CFAP299: variants seen among roughly 807,000 people sequenced by gnomAD.
CFAP299 encodes the protein cilia and flagella associated protein 299.
In CFAP299, 21 loss-of-function variants were observed where a neutral mutation model predicts 27.0. The ratio of observed to expected loss-of-function variants is 0.78; its 90% CI spans 0.55 to 1.12. The LOEUF (loss-of-function observed/expected upper bound fraction) is 1.12. Among genes scored for constraint, CFAP299 ranks in the 50% most tolerant of loss-of-function variants. CFAP299 has a pLI of 0.00. For missense variants in CFAP299, 310 were observed against 276.6 expected, an observed-to-expected ratio of 1.12 and a Z score of -0.86; for synonymous variants, 104 against 98.1, an observed-to-expected ratio of 1.06 and a Z score of -0.36.
At chr4:80,774,560 TA>T (rs1170898468) in intron 3 of CFAP299, among the ~76,000 whole-genome samples, 5 of 151,988 alleles carry the variant, frequency 3.3e-5, no homozygotes, top group African/African-American at 1.2e-4. Flanking sequence ...AAGTGGTCAA[TA>T]AATGTGTAAA....
chr4:80,453,875 AATAATAATAAT>A (rs1729019791), intron 2 of CFAP299, among the ~76,000 whole-genome samples: 1 of 147,960 alleles, frequency 6.8e-6, no homozygotes, highest in South Asian at 2.1e-4. Context: ...TAATAATAAT[AATAATAATAAT>A]AATCTTGCAA....
At chr4:80,504,232 C>T (rs1300947512) in intron 2 of CFAP299, among the ~76,000 whole-genome samples, 1 of 151,256 alleles carries the variant, frequency 6.6e-6, no homozygotes, top group Non-Finnish European at 1.5e-5. Context: ...GCCTGGTAAG[C>T]ATGAGGGAAA....
At chr4:80,816,003 A>G (rs1005637212) in intron 3 of CFAP299, among the ~76,000 whole-genome samples, 1 of 151,952 alleles carries the variant, frequency 6.6e-6, no homozygotes, top group Non-Finnish European at 1.5e-5. Context: ...TTATGATTCC[A>G]TTGATAAAAA....
chr4:80,800,907 C>T (rs1728551173), intron 3 of CFAP299, among the ~76,000 whole-genome samples: 1 of 150,082 alleles, frequency 6.7e-6, no homozygotes, highest in South Asian at 2.1e-4. Context: ...AACTGAAGAA[C>T]TTGGAGTCTG....
intron 4 of CFAP299, among the ~76,000 whole-genome samples, chr4:80,916,283 A>ATATATG (rs1560475525): frequency 4.3e-5 from 5 of 116,258 alleles, no homozygotes; most frequent in Non-Finnish European, 8.2e-5. Context: ...ATATATATAT[A>ATATATG]TATATATATA....
At chr4:80,471,576 G>T (rs1220473734) in intron 2 of CFAP299, among the ~76,000 whole-genome samples, 1 of 123,280 alleles carries the variant, frequency 8.1e-6, no homozygotes, top group Non-Finnish European at 1.7e-5. Flanking sequence ...CAGGGCGGGG[G>T]TGGGGGTGGG....
Position 80,638,752 on chromosome 4 carries a change from C to T in CFAP299, c.333+55569C>T, listed in dbSNP as rs137857946. On this transcript the variant is annotated intron_variant, in intron 3 of 5. Coordinates refer to ENST00000358105, the MANE Select transcript of CFAP299 (RefSeq NM_152770.3). ...AACAACAATGCCAAGTGTGATCCAT[C>T]ATGGGTGCCTGCAGTCACTCTTAGG... is the stretch of plus-strand genomic sequence containing the variant. Among the ~76,000 whole-genome samples, 15 of 152,296 alleles carry T rather than the reference C, an allele frequency of 9.8e-5. No homozygotes were observed. In the East Asian group the frequency reaches 2.7e-3, roughly 27 times the overall value.
intron 1 of CFAP299, among the ~76,000 whole-genome samples, chr4:80,348,258 C>G (rs893439402): frequency 1.3e-5 from 2 of 152,138 alleles, no homozygotes; most frequent in African/African-American, 4.8e-5. Flanking sequence ...ATGATGAAAA[C>G]ACCAAAAGCA....
chr4:80,542,009 A>G (rs997304896), intron 2 of CFAP299, among the ~76,000 whole-genome samples: 1 of 152,048 alleles, frequency 6.6e-6, no homozygotes, highest in African/African-American at 2.4e-5. Flanking sequence ...AGGCATATTC[A>G]TAAGAAAAAT....
chr4:80,600,514 T>A (rs1032442894), intron 3 of CFAP299, among the ~76,000 whole-genome samples: 1 of 152,130 alleles, frequency 6.6e-6, no homozygotes, highest in Non-Finnish European at 1.5e-5. Flanking sequence ...CAGATTGGAC[T>A]CCCTGTGCTG....
chr4:80,904,715 C>A (rs1322204718), intron 4 of CFAP299, among the ~76,000 whole-genome samples: 1 of 152,070 alleles, frequency 6.6e-6, no homozygotes, highest in African/African-American at 2.4e-5. Context: ...ATGGTTCAGC[C>A]TAGCTTTGAA....
At chr4:80,950,832 A>G (rs554669091) in intron 5 of CFAP299, among the ~76,000 whole-genome samples, 3 of 152,300 alleles carry the variant, frequency 2.0e-5, no homozygotes, top group South Asian at 4.1e-4. Flanking sequence ...AGTGGTTCAC[A>G]AGGGTTGAGA....
At chr4:80,785,318 CTA>C (rs1310421622) in intron 3 of CFAP299, among the ~76,000 whole-genome samples, 5 of 152,078 alleles carry the variant, frequency 3.3e-5, no homozygotes, top group African/African-American at 1.2e-4. Flanking sequence ...ATGGATAACT[CTA>C]TGTGGTATCC....
intron 2 of CFAP299, among the ~76,000 whole-genome samples, chr4:80,430,409 C>A (rs1482498500): frequency 6.6e-6 from 1 of 152,212 alleles, no homozygotes; most frequent in African/African-American, 2.4e-5. Flanking sequence ...AAGTTTTCAT[C>A]TTTGACTGTT....
At chr4:80,433,882 T>A (rs544394570) in intron 2 of CFAP299, among the ~76,000 whole-genome samples, 7 of 152,172 alleles carry the variant, frequency 4.6e-5, no homozygotes, top group Non-Finnish European at 8.8e-5. Context: ...CAGGTAAAAA[T>A]GCTGTCAACC....
intron 2 of CFAP299, among the ~76,000 whole-genome samples, chr4:80,568,474 GACA>G (rs915624489): frequency 1.3e-5 from 2 of 151,938 alleles, no homozygotes; most frequent in Non-Finnish European, 2.9e-5. Flanking sequence ...AAAGAAAAAT[GACA>G]ACAATATCAA....
At position 80,583,161 on chromosome 4, in the gene CFAP299, A is replaced by G. The variant is rs770100756; in HGVS notation, c.311A>G (p.Asp104Gly). 1.2e-6 allele frequency: 2 copies of G among 1,605,308 alleles called. No homozygotes were observed. The highest frequency in any genetic ancestry group is 4.5e-5 in the East Asian group (2 of 44,606). ...FLTALAMREE[D>G]NRSGKLSSVI... ...ACGGCCCTGGCAATGAGAGAAGAAG[A>G]CAATCGCAGTGGAAAACTGAGTGTA... The change falls in exon 3 of 6, where the codon GAC becomes GGC. Residue 104 changes from aspartate to glycine, a missense_variant. Physicochemically the swap from Asp to Gly is moderately conservative, Grantham distance 94 (BLOSUM62 -1). Transcript: ENST00000358105.
chr4:80,353,840 G>A (rs1723126934), intron 1 of CFAP299, among the ~76,000 whole-genome samples: 1 of 152,092 alleles, frequency 6.6e-6, no homozygotes, highest in South Asian at 2.1e-4. Flanking sequence ...TCAAATCAGT[G>A]GAGAAAAGAA....
At chr4:80,518,939 T>C (rs955471730) in intron 2 of CFAP299, among the ~76,000 whole-genome samples, 17 of 152,130 alleles carry the variant, frequency 1.1e-4, no homozygotes, top group African/African-American at 3.9e-4. Flanking sequence ...ACAAAAGTAC[T>C]GGCAAGTGAA....
Sources: gnomAD v4.1 joint callset for allele counts (sites outside exome capture counted in the v4.1 genomes callset) on GRCh38, gnomAD v4.1.1 for gene constraint, MANE v1.5 for transcripts, NCBI Gene and HGNC (gene_info 2026-07-23, HGNC 2026-07-21) for gene names.